The following GNA12 variants were observed in gnomAD, a reference collection of about 807,000 sequenced individuals.
GNA12 encodes G protein subunit alpha 12.
Under a neutral mutation model 26.0 loss-of-function variants are expected in GNA12, and 9 were observed. The observed-to-expected ratio is 0.35, with a 90% CI of 0.21 to 0.60. The LOEUF (loss-of-function observed/expected upper bound fraction) is 0.60, where lower values mean the gene tolerates loss of function less well. Ranked by LOEUF, GNA12 falls within the 20% of genes least tolerant of loss-of-function variation. The pLI, the probability that GNA12 is intolerant of heterozygous loss-of-function variation, is 0.78. For synonymous variants in GNA12, 264 were observed against 219.6 expected (o/e 1.20, Z -1.79); for missense variants, 405 against 525.8 (o/e 0.77, Z 2.25).
intron 2 of GNA12, among the ~76,000 whole-genome samples, chr7:2,745,625 A>T (rs1282555606): frequency 1.3e-5 from 2 of 152,250 alleles, no homozygotes; most frequent in East Asian, 3.8e-4. Flanking sequence ...CGAGCAAAAT[A>T]GCCAGCTGAC....
chr7:2,814,794 T>G lies in GNA12; in HGVS notation c.310-19651A>C, dbSNP rs939357317. The G allele has an allele frequency of 5.3e-6, 7 of 1,316,760 alleles. No individual in the cohort carries two copies. In the African/African-American group the frequency reaches 7.3e-5, roughly 14 times the overall value. 81.6% of individuals were successfully genotyped at this position (1,316,760 alleles called of 1,614,324 possible). On this transcript the variant is annotated intron_variant, in intron 1 of 3. Coordinates refer to ENST00000275364, the MANE Select transcript of GNA12 (RefSeq NM_007353.3). ...ACATCCTAGAAAGGGTTCCCTGACC[T>G]GCCCCGCACTGCTCCCAAGCACCCT...
intron 2 of GNA12, among the ~76,000 whole-genome samples, chr7:2,776,772 G>C (rs1232499083): frequency 2.0e-5 from 3 of 152,192 alleles, no homozygotes; most frequent in Non-Finnish European, 4.4e-5. Context: ...TCCTAAGCAA[G>C]AAACTGTACT....
chr7:2,844,111 G>C lies in GNA12; in HGVS notation c.51C>G (p.Ala17=). The C allele has an allele frequency of 1.0e-6, 1 of 990,418 alleles. No individual in the cohort carries two copies. The highest frequency in any genetic ancestry group is 1.2e-6 in the Non-Finnish European group (1 of 835,502). 61.4% of individuals were successfully genotyped at this position (990,418 alleles called of 1,614,324 possible). A position where few individuals can be genotyped will look rare whatever the true frequency, so the allele number is the denominator to read the frequency against. The stretch of plus-strand genomic sequence containing the variant: ...CCGCCCTGCGCTCGCGGGCCCCGCC[G>C]GCCTCGGCCGGCAGCAGGCAGCGGC... The part of the protein sequence containing the change: ...TLSRCLLPAE[A]GGARERRAGS... Residue 17 remains alanine (A), a synonymous_variant, in exon 1 of 4, where the codon GCC becomes GCG. Transcript: ENST00000275364.
intron 2 of GNA12, among the ~76,000 whole-genome samples, chr7:2,768,693 A>C (rs13310756): frequency 2.0e-5 from 3 of 151,554 alleles, no homozygotes; most frequent in Non-Finnish European, 2.9e-5. Context: ...AAAACAAAAA[A>C]AAAAACAGTA....
chr7:2,836,832 G>T (rs978740249), intron 1 of GNA12, among the ~76,000 whole-genome samples: 1 of 152,184 alleles, frequency 6.6e-6, no homozygotes, highest in Non-Finnish European at 1.5e-5. Context: ...GCTGAGGCAG[G>T]AGAATCGCTT....
At chr7:2,789,984 G>A (rs1562429949) in intron 2 of GNA12, among the ~76,000 whole-genome samples, 5 of 152,204 alleles carry the variant, frequency 3.3e-5, no homozygotes, top group African/African-American at 4.8e-5. Flanking sequence ...GGGTTTCTGT[G>A]CTTGCATCCA....
chr7:2,760,128 AAG>A (rs1468924289), intron 2 of GNA12, among the ~76,000 whole-genome samples: 1 of 152,218 alleles, frequency 6.6e-6, no homozygotes, highest in Non-Finnish European at 1.5e-5. Flanking sequence ...TGTGTGGACA[AAG>A]AGAGCCCCAC....
chr7:2,825,825 T>A (rs892963377), intron 1 of GNA12, among the ~76,000 whole-genome samples: 3 of 152,114 alleles, frequency 2.0e-5, no homozygotes, highest in African/African-American at 7.2e-5. Context: ...AACAAGTCTT[T>A]AGAGTACGCT....
intron 2 of GNA12, among the ~76,000 whole-genome samples, chr7:2,789,948 G>A (rs181994474): frequency 1.7e-4 from 26 of 152,312 alleles, no homozygotes; most frequent in Middle Eastern, 3.4e-3. Flanking sequence ...CTCACAAAGC[G>A]CCTCTGGTTA....
intron 2 of GNA12, among the ~76,000 whole-genome samples, chr7:2,744,067 T>C (rs1790644162): frequency 6.6e-6 from 1 of 152,240 alleles, no homozygotes; most frequent in African/African-American, 2.4e-5. Context: ...GAGGCCTGCC[T>C]GCCTCTGTAG....
chr7:2,729,382 C>T lies in GNA12; in HGVS notation c.*1799G>A, dbSNP rs975176916. 8 of 152,412 alleles carry T rather than the reference C, an allele frequency of 5.2e-5. No homozygotes were observed. The highest frequency in any genetic ancestry group is 1.2e-4 in the Non-Finnish European group (8 of 68,068). 9.4% of individuals were successfully genotyped at this position (152,412 alleles called of 1,614,324 possible). A position where few individuals can be genotyped will look rare whatever the true frequency, so the allele number is the denominator to read the frequency against. ...GGTCATCGGCACTCATCTCCGGTCACATCCGTGAGGTCTGTGAAGAGCCAC... is the reference window on the plus strand; with the variant it reads ...GGTCATCGGCACTCATCTCCGGTCATATCCGTGAGGTCTGTGAAGAGCCAC... On this transcript the variant is annotated 3_prime_UTR_variant, in exon 4 of 4. Coordinates refer to ENST00000275364, the MANE Select transcript of GNA12 (RefSeq NM_007353.3).
chr7:2,734,993 G>A (rs771099092), intron 2 of GNA12, among the ~76,000 whole-genome samples: 5 of 152,222 alleles, frequency 3.3e-5, no homozygotes, highest in African/African-American at 4.8e-5. Flanking sequence ...GGAAGCCAGC[G>A]TGAGGCCGGT....
chr7:2,777,119 G>C (rs1792097388), intron 2 of GNA12, among the ~76,000 whole-genome samples: 1 of 152,120 alleles, frequency 6.6e-6, no homozygotes, highest in Non-Finnish European at 1.5e-5. Flanking sequence ...ATCTGAATGG[G>C]AGTGGACTGA....
intron 1 of GNA12, among the ~76,000 whole-genome samples, chr7:2,829,817 GC>G (rs1484041635): frequency 6.6e-6 from 1 of 152,152 alleles, no homozygotes; most frequent in Non-Finnish European, 1.5e-5. Context: ...CGTGCTCGAG[GC>G]CAGTTTTTCC....
chr7:2,842,383 C>G (rs1243000794), intron 1 of GNA12, among the ~76,000 whole-genome samples: 1 of 152,120 alleles, frequency 6.6e-6, no homozygotes, highest in Non-Finnish European at 1.5e-5. Context: ...ACTGCAGCCT[C>G]AACCTCCCAG....
At position 2,781,407 on chromosome 7, in the gene GNA12, A is replaced by AGTGTCT. The variant is rs1554259772; in HGVS notation, c.525+13515_525+13520dup. On this transcript the variant is annotated intron_variant, in intron 2 of 3. Coordinates refer to ENST00000275364, the MANE Select transcript of GNA12 (RefSeq NM_007353.3). ...TTGGTCTCTAATCCATTTCAAAGTAAGTGTCTGTGTGTGTGTGTGTGTGTG... is the reference window on the plus strand; with the variant it reads ...TTGGTCTCTAATCCATTTCAAAGTAAGTGTCTGTGTCTGTGTGTGTGTGTGTGTGTG... Among the ~76,000 whole-genome samples the AGTGTCT allele has an allele frequency of 2.0e-4, 12 of 58,928 alleles. No individual in the cohort carries two copies. The East Asian group carries it at 8.5e-3, about 42-fold the overall frequency. 38.7% of individuals were successfully genotyped at this position (58,928 alleles called of 152,430 possible). A position where few individuals can be genotyped will look rare whatever the true frequency, so the allele number is the denominator to read the frequency against.
In GNA12 at chr7:2,816,335, A is replaced by G. The variant is rs543388054; in HGVS notation, c.310-21192T>C. Among the ~76,000 whole-genome samples, 165 of 151,678 alleles carry G rather than the reference A, an allele frequency of 1.1e-3. 2 individuals carry two copies. Among genetic ancestry groups the G allele is most frequent in the African/African-American group, 3.9e-3 (162 of 41,378 alleles). On this transcript the variant is annotated intron_variant, in intron 1 of 3. Transcript: ENST00000275364. ...GACCACCACCTCCCTAGTTCAAGCG[A>G]TTCTTCTGCCTCAGCCTCCCAAGTA...
chr7:2,788,173 G>C (rs566662077), intron 2 of GNA12, among the ~76,000 whole-genome samples: 57 of 151,572 alleles, frequency 3.8e-4, no homozygotes, highest in Middle Eastern at 3.4e-3. Context: ...ACAAATGCCA[G>C]CAAAACCAGA....
chr7:2,817,169 G>GACCTCGGCTCACCGCA (rs932501144), intron 1 of GNA12, among the ~76,000 whole-genome samples: 2 of 152,302 alleles, frequency 1.3e-5, no homozygotes, highest in Non-Finnish European at 2.9e-5. Context: ...GCAATGGCGC[G>GACCTCGGCTCACCGCA]ACCTCGGCTC....
Sources: gnomAD v4.1 joint callset for allele counts (sites outside exome capture counted in the v4.1 genomes callset) on GRCh38, gnomAD v4.1.1 for gene constraint, MANE v1.5 for transcripts, NCBI Gene and HGNC (gene_info 2026-07-23, HGNC 2026-07-21) for gene names.